Variants in NRXN3 observed in about 807,000 individuals in gnomAD.
The protein encoded by NRXN3 is neurexin III.
Under a neutral mutation model 137.6 loss-of-function variants are expected in NRXN3, and 32 were observed. That is an observed-to-expected ratio of 0.23 (90% confidence interval 0.18 to 0.31). The LOEUF (loss-of-function observed/expected upper bound fraction) is 0.31. NRXN3 is among the 10% of genes least tolerant of loss of function. NRXN3 has a pLI of 1.00. For missense variants in NRXN3, 1,574 were observed against 2,062.5 expected (o/e 0.76, Z 4.59); for synonymous variants, 798 against 784.5 (o/e 1.02, Z -0.29).
intron 15 of NRXN3, among the ~76,000 whole-genome samples, chr14:79,314,770 C>T (rs2153233034): frequency 6.8e-6 from 1 of 147,432 alleles, no homozygotes; most frequent in East Asian, 2.1e-4. Context: ...GACCCCCAAG[C>T]AGCCTAACTG....
rs544846945 is a variant in NRXN3, at chr14:78,639,483, C to T, written c.758-5637C>T. Among the ~76,000 whole-genome samples, 5 of 152,286 alleles carry T rather than the reference C, an allele frequency of 3.3e-5. No homozygotes were observed. In the South Asian group the frequency reaches 8.3e-4, roughly 25 times the overall value. ...ATCTAAAAATTCCATTTCTAAGGCT[C>T]TCTGTTGGAGGTAAAGAGTGTTATC... On this transcript the variant is annotated intron_variant, in intron 4 of 20. Transcript: ENST00000335750.
At chr14:79,040,182 C>T (rs1294036887) in intron 15 of NRXN3, among the ~76,000 whole-genome samples, 1 of 152,168 alleles carries the variant, frequency 6.6e-6, no homozygotes, top group Non-Finnish European at 1.5e-5. Flanking sequence ...CTTATCTCCT[C>T]CAACCAAAAG....
chr14:79,258,331 A>G (rs2077075349), intron 15 of NRXN3, among the ~76,000 whole-genome samples: 1 of 151,984 alleles, frequency 6.6e-6, no homozygotes, highest in Admixed American at 6.6e-5. Context: ...CAGCCTCCCA[A>G]GCACCTGGGA....
chr14:79,218,445 A>G (rs2068920860), intron 15 of NRXN3, among the ~76,000 whole-genome samples: 2 of 152,208 alleles, frequency 1.3e-5, no homozygotes, highest in Non-Finnish European at 2.9e-5. Context: ...GAGTATTCCA[A>G]GATTGTATTC....
intron 4 of NRXN3, among the ~76,000 whole-genome samples, chr14:78,599,692 C>A (rs1157035103): frequency 6.6e-6 from 1 of 152,184 alleles, no homozygotes; most frequent in Non-Finnish European, 1.5e-5. Context: ...TAGTTTTCAA[C>A]CAGATCACTC....
chr14:79,066,452 G>A (rs1568170563), intron 15 of NRXN3, among the ~76,000 whole-genome samples: 3 of 152,166 alleles, frequency 2.0e-5, no homozygotes, highest in African/African-American at 7.2e-5. Flanking sequence ...TTTTTGCTTA[G>A]GATTGACTTG....
At chr14:79,186,906 G>A (rs1046817521) in intron 15 of NRXN3, among the ~76,000 whole-genome samples, 37 of 152,198 alleles carry the variant, frequency 2.4e-4, no homozygotes, top group South Asian at 8.3e-4. Flanking sequence ...CAGGGTGAAC[G>A]CAAAATGTGT....
At chr14:78,341,121 T>C (rs952417805) in intron 4 of NRXN3, among the ~76,000 whole-genome samples, 6 of 152,186 alleles carry the variant, frequency 3.9e-5, no homozygotes, top group African/African-American at 1.4e-4. Flanking sequence ...TGTATTTTAT[T>C]TTGCAACTTT....
chr14:79,126,302 T>G (rs960246092), intron 15 of NRXN3, among the ~76,000 whole-genome samples: 13 of 151,992 alleles, frequency 8.6e-5, no homozygotes, highest in African/African-American at 2.7e-4. Context: ...ATTAGGTATA[T>G]CTCCCAATGC....
chr14:78,837,137 A>C (rs2098999356), intron 10 of NRXN3, among the ~76,000 whole-genome samples: 1 of 152,156 alleles, frequency 6.6e-6, no homozygotes, highest in South Asian at 2.1e-4. Context: ...TTGTGAATGC[A>C]CCTCTATCGA....
intron 10 of NRXN3, among the ~76,000 whole-genome samples, chr14:78,858,614 A>G (rs1020236576): frequency 2.0e-5 from 3 of 152,196 alleles, no homozygotes; most frequent in Admixed American, 2.0e-4. Context: ...TAAATTCCTC[A>G]ACTACTTAGA....
chr14:79,609,305 A>G (rs984940117), intron 16 of NRXN3, among the ~76,000 whole-genome samples: 2 of 152,218 alleles, frequency 1.3e-5, no homozygotes, highest in Non-Finnish European at 2.9e-5. Context: ...GCTCCTTACC[A>G]CAGTCACAAA....
chr14:79,476,529 C>G (rs1174281713), intron 16 of NRXN3, among the ~76,000 whole-genome samples: 1 of 152,076 alleles, frequency 6.6e-6, no homozygotes, highest in Admixed American at 6.6e-5. Context: ...TAGTTAACCT[C>G]TTATAATTCA....
chr14:78,241,511 T>A (rs2067078645), intron 1 of NRXN3, among the ~76,000 whole-genome samples: 2 of 152,100 alleles, frequency 1.3e-5, no homozygotes, highest in Admixed American at 1.3e-4. Flanking sequence ...TCCCAGCTAC[T>A]TGGGAGGCTG....
chr14:79,742,060 T>C (rs1263157725), intron 19 of NRXN3, among the ~76,000 whole-genome samples: 3 of 152,320 alleles, frequency 2.0e-5, no homozygotes, highest in African/African-American at 4.8e-5. Flanking sequence ...GAGCCTGATA[T>C]ATAATTACGG....
chr14:79,778,180 G>T (rs1324454189), intron 19 of NRXN3, among the ~76,000 whole-genome samples: 1 of 152,222 alleles, frequency 6.6e-6, no homozygotes, highest in East Asian at 1.9e-4. Context: ...ACTTTGGGAG[G>T]CCGAGGCAGG....
chr14:79,405,579 C>T (rs923927979), intron 15 of NRXN3, among the ~76,000 whole-genome samples: 21 of 152,262 alleles, frequency 1.4e-4, no homozygotes, highest in South Asian at 4.1e-4. Flanking sequence ...CAGTCAATCC[C>T]TCTGGAACCC....
chr14:78,247,721 G>A (rs1417555009), intron 2 of NRXN3, among the ~76,000 whole-genome samples: 1 of 152,172 alleles, frequency 6.6e-6, no homozygotes. Context: ...TAATGAAGAG[G>A]TATCCTCACT....
chr14:79,052,308 T>G (rs1370870705), intron 15 of NRXN3, among the ~76,000 whole-genome samples: 5 of 152,218 alleles, frequency 3.3e-5, no homozygotes, highest in Non-Finnish European at 5.9e-5. Flanking sequence ...GAAAATGATT[T>G]CTAGGATAAA....
Sources: allele counts gnomAD v4.1 joint callset (sites outside exome capture counted in the v4.1 genomes callset), GRCh38; gene constraint gnomAD v4.1.1; transcripts MANE v1.5; gene names NCBI Gene and HGNC (gene_info 2026-07-23, HGNC 2026-07-21).